ZNF787: variants seen among roughly 807,000 people sequenced by gnomAD.
ZNF787 encodes the protein TTF-I-interacting peptide 20.
A neutral mutation model predicts 16.9 loss-of-function variants in ZNF787; 7 were observed. That is an observed-to-expected ratio of 0.42 (90% CI 0.24 to 0.78). ZNF787 has a LOEUF of 0.78. Ranked by LOEUF, ZNF787 falls within the 30% of genes least tolerant of loss-of-function variation. The pLI is 0.30. For missense variants in ZNF787, 551 were observed against 589.3 expected (o/e 0.94, Z 0.67); for synonymous variants, 345 against 270.9 (o/e 1.27, Z -2.69).
chr19:56,105,985 C>T (rs375352073), intron 1 of ZNF787, among the ~76,000 whole-genome samples: 1 of 115,022 alleles, frequency 8.7e-6, no homozygotes, highest in Non-Finnish European at 1.8e-5. Flanking sequence ...CGCGCATTCC[C>T]CCCTCCGCGC....
At chr19:56,097,785 G>T (rs1985926307) in intron 2 of ZNF787, among the ~76,000 whole-genome samples, 1 of 152,182 alleles carries the variant, frequency 6.6e-6, no homozygotes, top group Non-Finnish European at 1.5e-5. Context: ...CAGGGACAAA[G>T]CCACCTGGCC....
At chr19:56,101,927 G>A (rs961123189) in intron 2 of ZNF787, 1 of 152,254 alleles carries the variant, frequency 6.6e-6, no homozygotes, top group African/African-American at 2.4e-5. Context: ...CACCCACTGA[G>A]ACGCGGGGCA....
At chr19:56,107,373 G>A (rs541325100) in intron 1 of ZNF787, among the ~76,000 whole-genome samples, 84 of 152,290 alleles carry the variant, frequency 5.5e-4, no homozygotes, top group African/African-American at 7.0e-4. Flanking sequence ...CATGAAGGCC[G>A]CGCTCTCCAG....
In ZNF787 at chr19:56,088,341, G is replaced by T; in HGVS notation, c.831C>A (p.Pro277=). The T allele has an allele frequency of 1.7e-6, 2 of 1,200,528 alleles. No individual in the cohort carries two copies. Among genetic ancestry groups the T allele is most frequent in the Non-Finnish European group, 2.1e-6 (2 of 964,344 alleles). The allele number at this position is 1,200,528 out of a possible 1,614,324, so 74.4% of individuals were successfully genotyped here. Residue 277 remains proline, a synonymous_variant, in exon 3 of 3, where the codon CCC becomes CCA. Coordinates refer to ENST00000610935, the MANE Select transcript of ZNF787 (RefSeq NM_001002836.4). The surrounding 1 kb of genome is among the most constrained non-coding windows in gnomAD (Gnocchi z 8.6). The part of the protein sequence containing the change: ...AGPRSRRAPA[P]KPYVCLECGK... ...CGCACTCCAGACACACGTACGGCTT[G>T]GGGGCCGGGGCGCGCCGCGACCGGG...
At chr19:56,109,493 A>G (rs1288962083) in intron 1 of ZNF787, among the ~76,000 whole-genome samples, 1 of 152,220 alleles carries the variant, frequency 6.6e-6, no homozygotes, top group East Asian at 1.9e-4. Context: ...AGCCTCCCCA[A>G]GGATTTTAGT....
At chr19:56,097,267 A>T (rs142565631) in intron 2 of ZNF787, among the ~76,000 whole-genome samples, 2 of 152,344 alleles carry the variant, frequency 1.3e-5, no homozygotes, top group Non-Finnish European at 2.9e-5. Flanking sequence ...TCCTACCAGT[A>T]TTAGCTCAGA....
chr19:56,097,896 G>A (rs1361322008), intron 2 of ZNF787, among the ~76,000 whole-genome samples: 5 of 152,154 alleles, frequency 3.3e-5, no homozygotes, highest in African/African-American at 1.2e-4. Flanking sequence ...GAGATGGGGT[G>A]GGGAGGTTCA....
At chr19:56,119,289 T>C (rs473953) in intron 1 of ZNF787, among the ~76,000 whole-genome samples, 138,578 of 152,290 alleles carry the variant, frequency 0.91, 63,772 homozygotes, top group Non-Finnish European at 0.99. Flanking sequence ...CCTGGATGGA[T>C]TACATTTACT....
chr19:56,103,146 C>A lies in ZNF787; in HGVS notation c.72G>T (p.Glu24Asp). The A allele has an allele frequency of 6.2e-7, 1 of 1,607,492 alleles. No homozygotes were observed. The highest frequency in any genetic ancestry group is 1.1e-5 in the South Asian group (1 of 90,454). Residue 24 changes from glutamate to aspartate, a missense_variant, in exon 2 of 3, where the codon GAG (glutamate) becomes GAT (aspartate). Glu to Asp is a conservative substitution (Grantham distance 45, BLOSUM62 2). Around this residue, in one of 4 missense-constraint regions of ZNF787, gnomAD observed 80 missense variants for 105.9 expected, o/e 0.76. Transcript: ENST00000610935. Reference sequence around the variant, plus strand: ...AGGCCTCTGGCTGCTCACCTGGGTTCTCGTGACTGGCCATCTGCTGGTCCT... The same window carrying A: ...AGGCCTCTGGCTGCTCACCTGGGTTATCGTGACTGGCCATCTGCTGGTCCT... The part of the protein sequence containing the change: ...DSEDQQMASH[E>D]NPVDILIMDD...
intron 1 of ZNF787, among the ~76,000 whole-genome samples, chr19:56,105,750 C>T (rs2123415053): frequency 6.6e-6 from 1 of 152,330 alleles, no homozygotes; most frequent in Middle Eastern, 3.4e-3. Context: ...GTGATCCCCT[C>T]ACCACAACAT....
chr19:56,108,164 C>T (rs1425088775), intron 1 of ZNF787, among the ~76,000 whole-genome samples: 1 of 151,980 alleles, frequency 6.6e-6, no homozygotes, highest in Admixed American at 6.5e-5. Flanking sequence ...GCTCCAGAAG[C>T]GGGAGGCACT....
chr19:56,092,525 C>CTT (rs5828673), intron 2 of ZNF787, among the ~76,000 whole-genome samples: 5,420 of 143,012 alleles, frequency 0.038, 239 homozygotes, highest in African/African-American at 0.11. Context: ...TCTGGAAATG[C>CTT]TTTTTTTTTT....
intron 2 of ZNF787, chr19:56,102,705 G>A (rs191505630): frequency 3.8e-5 from 21 of 553,494 alleles, no homozygotes; most frequent in East Asian, 3.2e-4. Flanking sequence ...ATCAGCCTGC[G>A]GGTTCCCTGC....
chr19:56,105,225 C>T (rs967226827), intron 1 of ZNF787, among the ~76,000 whole-genome samples: 1 of 152,114 alleles, frequency 6.6e-6, no homozygotes, highest in Non-Finnish European at 1.5e-5. Flanking sequence ...CCTGCAGGCG[C>T]GGCTGGAACC....
chr19:56,113,421 A>T (rs994085794), intron 1 of ZNF787, among the ~76,000 whole-genome samples: 8 of 152,260 alleles, frequency 5.3e-5, no homozygotes, highest in Non-Finnish European at 1.2e-4. Flanking sequence ...CTGCACACGA[A>T]TGTTCACAGA....
intron 1 of ZNF787, among the ~76,000 whole-genome samples, chr19:56,107,768 C>T (rs1316432540): frequency 2.6e-5 from 4 of 151,920 alleles, no homozygotes; most frequent in African/African-American, 9.7e-5. Context: ...AGGAGCATTC[C>T]CTGGATGGGC....
intron 2 of ZNF787, among the ~76,000 whole-genome samples, chr19:56,099,841 C>T (rs902929333): frequency 4.6e-5 from 7 of 151,818 alleles, no homozygotes; most frequent in African/African-American, 1.5e-4. Context: ...GGGAGGCAGA[C>T]GGGGAGACAG....
At chr19:56,097,535 G>A (rs1003153386) in intron 2 of ZNF787, among the ~76,000 whole-genome samples, 2 of 152,262 alleles carry the variant, frequency 1.3e-5, no homozygotes, top group East Asian at 1.9e-4. Context: ...CTGCGTGGAC[G>A]GCGGCCAGCA....
At chr19:56,108,147 T>C (rs1298728811) in intron 1 of ZNF787, among the ~76,000 whole-genome samples, 1 of 151,754 alleles carries the variant, frequency 6.6e-6, no homozygotes, top group African/African-American at 2.4e-5. Flanking sequence ...CCCAGGAGAC[T>C]CTCTCAGCTC....
Sources: gnomAD v4.1 joint callset for allele counts (sites outside exome capture counted in the v4.1 genomes callset) on GRCh38, gnomAD v4.1.1 for gene constraint, gnomAD v4.1.1 regional missense constraint, Gnocchi (gnomAD v3.1) non-coding constraint, MANE v1.5 for transcripts, NCBI Gene and HGNC (gene_info 2026-07-23, HGNC 2026-07-21) for gene names.